Variants in LINGO2 observed in about 807,000 individuals in gnomAD.
LINGO2 encodes leucine rich repeat and Ig domain containing 2, also known as leucine-rich repeat and immunoglobulin-like domain-containing nogo receptor-interacting protein 2.
A neutral mutation model predicts 30.6 loss-of-function variants in LINGO2; 14 were observed. The ratio of observed to expected loss-of-function variants is 0.46; its 90% CI spans 0.30 to 0.72. The LOEUF is 0.72. LINGO2 is among the 30% of genes least tolerant of loss of function. The probability of loss-of-function intolerance (pLI) is 0.07; values close to 1 mark genes in which losing one functional copy is unlikely to be tolerated. For synonymous variants in LINGO2, 317 were observed against 288.5 expected, an observed-to-expected ratio of 1.10 and a Z score of -1.00; for missense variants, 729 against 751.7, an observed-to-expected ratio of 0.97 and a Z score of 0.35.
chr9:29,144,041 C>T, the LINGO2 span, among the ~76,000 whole-genome samples: 11 of 152,098 alleles, frequency 7.2e-5, no homozygotes, highest in Non-Finnish European at 1.3e-4. Context: ...TTCCCCATTG[C>T]TTGTTTTGGT....
chr9:28,850,312 A>G, the LINGO2 span, among the ~76,000 whole-genome samples: 169 of 152,122 alleles, frequency 1.1e-3, no homozygotes, highest in African/African-American at 3.8e-3. Context: ...TGTACTACTA[A>G]TAATATTCAG....
intron 3 of LINGO2, among the ~76,000 whole-genome samples, chr9:28,363,760 G>A (rs542060038): frequency 2.0e-5 from 3 of 151,854 alleles, no homozygotes; most frequent in South Asian, 4.1e-4. Context: ...ATCAATTCCT[G>A]AGATTCCTGT....
chr9:27,949,912 G>C, exon 6 of LINGO2: 1 of 1,614,108 alleles, frequency 6.2e-7, no homozygotes, highest in Non-Finnish European at 8.5e-7. Flanking sequence ...GTGACTGAAA[G>C]GGATGTGAGG....
At chr9:28,924,349 T>C in the LINGO2 span, among the ~76,000 whole-genome samples, 1 of 152,068 alleles carries the variant, frequency 6.6e-6, no homozygotes, top group East Asian at 1.9e-4. Flanking sequence ...GCCCCACAAA[T>C]AGCTGGGACC....
At chr9:28,306,756 G>C (rs1256937009) in intron 3 of LINGO2, among the ~76,000 whole-genome samples, 1 of 152,014 alleles carries the variant, frequency 6.6e-6, no homozygotes, top group Non-Finnish European at 1.5e-5. Flanking sequence ...TATCACCACT[G>C]ATCCCACAGA....
At chr9:28,215,032 T>A (rs1379986345) in intron 4 of LINGO2, among the ~76,000 whole-genome samples, 1 of 151,714 alleles carries the variant, frequency 6.6e-6, no homozygotes, top group Non-Finnish European at 1.5e-5. Flanking sequence ...TCCTCTTTCT[T>A]CTACAGGAAA....
chr9:28,142,417 A>G (rs1452341), intron 4 of LINGO2, among the ~76,000 whole-genome samples: 151,111 of 152,272 alleles, frequency 0.99, 74,994 homozygotes, highest in Middle Eastern at 1. Context: ...AGCAATGGGT[A>G]AGATTCTGAT....
In LINGO2 at chr9:28,509,636, T is replaced by C. The variant is rs188950890; in HGVS notation, c.-364-33611A>G. ...AGGTCGTAAAGGTTAAACGAGGTCA[T>C]AAGGGTGGGACCTCAACCTAATAGT... On this transcript the variant is annotated intron_variant, in intron 1 of 5. Coordinates refer to ENST00000379992, the Ensembl canonical transcript of LINGO2. Among the ~76,000 whole-genome samples, 16 of 152,256 alleles carry C rather than the reference T, an allele frequency of 1.1e-4. No individual in the cohort carries two copies. The East Asian group carries it at 2.5e-3, about 24-fold the overall frequency.
intron 3 of LINGO2, among the ~76,000 whole-genome samples, chr9:28,309,440 C>T (rs1483331019): frequency 7.1e-5 from 7 of 98,522 alleles, no homozygotes; most frequent in South Asian, 3.9e-4. Flanking sequence ...TGTGGGGTGG[C>T]GGGAGGGGGG....
chr9:29,074,308 G>A, the LINGO2 span, among the ~76,000 whole-genome samples: 2 of 151,922 alleles, frequency 1.3e-5, no homozygotes, highest in East Asian at 1.9e-4. Flanking sequence ...CTTATCTATT[G>A]ATATAACATA....
chr9:28,474,789 T>C (rs562031053), intron 2 of LINGO2, among the ~76,000 whole-genome samples: 2 of 152,180 alleles, frequency 1.3e-5, no homozygotes, highest in African/African-American at 2.4e-5. Flanking sequence ...CACCTGTCTG[T>C]ATGGTCAGGC....
chr9:29,009,780 T>C, the LINGO2 span, among the ~76,000 whole-genome samples: 3 of 152,176 alleles, frequency 2.0e-5, no homozygotes, highest in Admixed American at 6.5e-5. Flanking sequence ...CTTCAAACTA[T>C]ACTACAAGGC....
At chr9:28,940,559 T>C in the LINGO2 span, among the ~76,000 whole-genome samples, 2 of 152,160 alleles carry the variant, frequency 1.3e-5, no homozygotes, top group African/African-American at 2.4e-5. Context: ...GAATCTAGTA[T>C]TATATTAACT....
chr9:27,974,344 TATC>T (rs1413304009), intron 5 of LINGO2, among the ~76,000 whole-genome samples: 2 of 152,186 alleles, frequency 1.3e-5, no homozygotes, highest in Non-Finnish European at 2.9e-5. Flanking sequence ...TGCACTGTCT[TATC>T]AGCGGTCATA....
the LINGO2 span, among the ~76,000 whole-genome samples, chr9:28,738,770 C>T: frequency 6.6e-6 from 1 of 151,730 alleles, no homozygotes; most frequent in Non-Finnish European, 1.5e-5. Flanking sequence ...TATGATGTCC[C>T]ACATCAAAAT....
At chr9:28,265,213 T>C (rs1399915324) in intron 4 of LINGO2, among the ~76,000 whole-genome samples, 2 of 151,484 alleles carry the variant, frequency 1.3e-5, no homozygotes, top group East Asian at 1.9e-4. Flanking sequence ...ATCTTACTGG[T>C]TTTGTTTCCC....
chr9:29,043,857 G>A, the LINGO2 span, among the ~76,000 whole-genome samples: 4,173 of 151,982 alleles, frequency 0.027, 184 homozygotes, highest in African/African-American at 0.094. Flanking sequence ...CTCATTCATC[G>A]CAATTTTGCA....
chr9:28,225,809 AAT>A (rs1397276068), intron 4 of LINGO2, among the ~76,000 whole-genome samples: 2 of 152,144 alleles, frequency 1.3e-5, no homozygotes, highest in Non-Finnish European at 1.5e-5. Context: ...AAATAGAAAT[AAT>A]GAGATTCCTT....
intron 2 of LINGO2, among the ~76,000 whole-genome samples, chr9:28,436,348 C>G (rs970436923): frequency 6.6e-6 from 1 of 152,010 alleles, no homozygotes; most frequent in African/African-American, 2.4e-5. Context: ...TGTCTTAATA[C>G]CTGGAGACGG....
Sources: allele counts gnomAD v4.1 joint callset (sites outside exome capture counted in the v4.1 genomes callset), GRCh38; gene constraint gnomAD v4.1.1; transcripts MANE v1.5; gene names NCBI Gene and HGNC (gene_info 2026-07-23, HGNC 2026-07-21).